Variants in RNF150 observed in about 807,000 individuals in gnomAD.
The protein encoded by RNF150 is ring finger protein 150.
In RNF150, 24 loss-of-function variants were observed where a neutral mutation model predicts 39.3. The observed-to-expected ratio is 0.61, with a 90% CI of 0.44 to 0.86. The LOEUF (loss-of-function observed/expected upper bound fraction) is 0.86, where lower values mean the gene tolerates loss of function less well. Ranked by LOEUF, RNF150 falls within the 40% of genes least tolerant of loss-of-function variation. RNF150 has a pLI of 0.00. For synonymous variants in RNF150, 255 were observed against 227.3 expected, an observed-to-expected ratio of 1.12 and a Z score of -1.10; for missense variants, 502 against 587.8, an observed-to-expected ratio of 0.85 and a Z score of 1.51.
chr4:140,961,046 C>T (rs898814459), intron 2 of RNF150, among the ~76,000 whole-genome samples: 2 of 152,048 alleles, frequency 1.3e-5, no homozygotes, highest in Non-Finnish European at 2.9e-5. Flanking sequence ...AGATTTGAAT[C>T]GAGACCCATC....
intron 1 of RNF150, among the ~76,000 whole-genome samples, chr4:141,064,472 G>A (rs1400557671): frequency 6.6e-6 from 1 of 152,074 alleles, no homozygotes; most frequent in African/African-American, 2.4e-5. Flanking sequence ...GCATAGTTGT[G>A]CATTCCTGTA....
At chr4:141,151,321 G>A (rs1727292179) in intron 1 of RNF150, among the ~76,000 whole-genome samples, 1 of 151,672 alleles carries the variant, frequency 6.6e-6, no homozygotes, top group Non-Finnish European at 1.5e-5. Flanking sequence ...ATAGTATTAT[G>A]AAAGTAATTT....
At chr4:141,004,735 A>T (rs1420509227) in intron 1 of RNF150, among the ~76,000 whole-genome samples, 1 of 152,204 alleles carries the variant, frequency 6.6e-6, no homozygotes, top group Non-Finnish European at 1.5e-5. Flanking sequence ...TCTTTGAGAC[A>T]TATGGACTTC....
At chr4:141,016,058 G>C (rs561018912) in intron 1 of RNF150, among the ~76,000 whole-genome samples, 6 of 152,158 alleles carry the variant, frequency 3.9e-5, no homozygotes, top group Non-Finnish European at 7.4e-5. Context: ...CCTCTCCACT[G>C]GTTTCTTCTG....
intron 6 of RNF150, 174 bp downstream of exon 6, chr4:140,910,970 C>T (rs1033688372): frequency 1.6e-6 from 1 of 622,398 alleles, no homozygotes; most frequent in East Asian, 2.7e-5. Flanking sequence ...GGGCTGTCTG[C>T]CCTGCTGGCT....
intron 5 of RNF150, among the ~76,000 whole-genome samples, chr4:140,923,359 C>A (rs1456033260): frequency 2.0e-5 from 3 of 152,200 alleles, no homozygotes; most frequent in East Asian, 3.8e-4. Context: ...AGCCAAAAGA[C>A]ACATGAAAAA....
intron 1 of RNF150, among the ~76,000 whole-genome samples, chr4:141,012,781 C>CAAAAAAA (rs397995597): frequency 0.028 from 2,003 of 71,344 alleles, 225 homozygotes; most frequent in East Asian, 0.063. Flanking sequence ...GACTCTGTCT[C>CAAAAAAA]AAAAAAAAAA....
chr4:141,133,054 G>A lies in RNF150; in HGVS notation c.-246C>T, dbSNP rs1037341334. On this transcript the variant is annotated 5_prime_UTR_variant, in exon 1 of 7. Transcript: ENST00000515673. Reference sequence around the variant, plus strand: ...ATTTTGCTTCTTGGGCGCCCGGGGGGCGCGGGAACAGAGGGCCCGCGGGGC... The same window carrying A: ...ATTTTGCTTCTTGGGCGCCCGGGGGACGCGGGAACAGAGGGCCCGCGGGGC... 2 of 425,552 alleles carry A rather than the reference G, an allele frequency of 4.7e-6. No individual in the cohort carries two copies. The highest frequency in any genetic ancestry group is 2.6e-5 in the South Asian group (1 of 38,634). 26.4% of individuals were successfully genotyped at this position (425,552 alleles called of 1,614,324 possible).
At chr4:141,121,585 G>A (rs1043457385) in intron 1 of RNF150, among the ~76,000 whole-genome samples, 9 of 152,062 alleles carry the variant, frequency 5.9e-5, no homozygotes, top group African/African-American at 1.7e-4. Context: ...ACTCATTATC[G>A]TATTATTCTT....
intron 1 of RNF150, among the ~76,000 whole-genome samples, chr4:141,113,807 A>G: frequency 6.6e-6 from 1 of 152,230 alleles, no homozygotes; most frequent in East Asian, 1.9e-4. Flanking sequence ...AACAGAAACC[A>G]TAACAAACTG....
intron 1 of RNF150, among the ~76,000 whole-genome samples, chr4:141,180,239 C>T (rs1727883193): frequency 6.6e-6 from 1 of 152,186 alleles, no homozygotes; most frequent in Non-Finnish European, 1.5e-5. Flanking sequence ...CAGTTCCCAG[C>T]AACCTATTCT....
intron 1 of RNF150, among the ~76,000 whole-genome samples, chr4:141,012,767 G>A (rs1031606023): frequency 1.2e-5 from 1 of 85,446 alleles, no homozygotes; most frequent in Non-Finnish European, 2.1e-5. Flanking sequence ...TGGTGACAGA[G>A]TAAGACTCTG....
rs138571391 is a variant in RNF150, at chr4:140,958,960, G to C, written c.735+8663C>G. On this transcript the variant is annotated intron_variant, in intron 2 of 6. Transcript: ENST00000515673. ...CAACTTCTCTTTCCATGCCATCAGG[G>C]CTTCTACCAGTGCCCTGCTATTTTA... Among the ~76,000 whole-genome samples, 620 of 152,186 alleles carry C rather than the reference G, an allele frequency of 4.1e-3. 5 individuals are homozygous for C. Among genetic ancestry groups the C allele is most frequent in the African/African-American group, 0.014 (594 of 41,494 alleles).
intron 1 of RNF150, among the ~76,000 whole-genome samples, chr4:141,078,926 CATAT>C (rs141630381): frequency 6.9e-6 from 1 of 144,102 alleles, no homozygotes; most frequent in East Asian, 2.0e-4. Context: ...CATATATATA[CATAT>C]ATATACACAC....
At chr4:141,053,764 G>C in intron 1 of RNF150, 2 of 1,189,152 alleles carry the variant, frequency 1.7e-6, no homozygotes, top group South Asian at 2.3e-5. Flanking sequence ...AAAAGAAAAC[G>C]AGATAAGTGA....
chr4:141,041,250 T>C (rs1449658528), intron 1 of RNF150, among the ~76,000 whole-genome samples: 1 of 152,144 alleles, frequency 6.6e-6, no homozygotes, highest in Non-Finnish European at 1.5e-5. Flanking sequence ...AAGCAGCAAG[T>C]CCTATGCATG....
chr4:141,015,909 C>A (rs1735253189), intron 1 of RNF150, among the ~76,000 whole-genome samples: 1 of 151,906 alleles, frequency 6.6e-6, no homozygotes, highest in African/African-American at 2.4e-5. Context: ...TATTTTTTGC[C>A]TGCGGATCAT....
At chr4:141,203,220 T>C (rs1278810776) in intron 1 of RNF150, among the ~76,000 whole-genome samples, 939 of 62,936 alleles carry the variant, frequency 0.015, 34 homozygotes, top group African/African-American at 0.06. Context: ...TTGGAGACGA[T>C]ATATATATCT....
At chr4:140,872,681 G>A (rs1446570396) in intron 6 of RNF150, among the ~76,000 whole-genome samples, 1 of 152,218 alleles carries the variant, frequency 6.6e-6, no homozygotes, top group Non-Finnish European at 1.5e-5. Flanking sequence ...GGCAGTAAAA[G>A]AGGAGAAAGT....
Sources: allele counts gnomAD v4.1 joint callset (sites outside exome capture counted in the v4.1 genomes callset), GRCh38; gene constraint gnomAD v4.1.1; transcripts MANE v1.5; gene names NCBI Gene and HGNC (gene_info 2026-07-23, HGNC 2026-07-21).